The following SLC1A2 variants were observed in gnomAD, a reference collection of about 807,000 sequenced individuals.
SLC1A2 encodes solute carrier family 1 member 2, also known as excitatory amino acid transporter 2.
A neutral mutation model predicts 48.8 loss-of-function variants in SLC1A2; 15 were observed. That is an observed-to-expected ratio of 0.31 (90% confidence interval 0.21 to 0.47). The LOEUF is 0.47. SLC1A2 is among the 20% of genes least tolerant of loss of function. SLC1A2 has a pLI of 0.99. For synonymous variants in SLC1A2, 279 were observed against 272.6 expected (o/e 1.02, Z -0.23); for missense variants, 502 against 730.5 (o/e 0.69, Z 3.61).
chr11:35,408,435 A>G (rs1855365993), intron 1 of SLC1A2, among the ~76,000 whole-genome samples: 1 of 152,194 alleles, frequency 6.6e-6, no homozygotes, highest in African/African-American at 2.4e-5. Context: ...GTGGTAGTGA[A>G]TAAGTCTCAC....
At chr11:35,365,468 C>A (rs1320333237) in intron 1 of SLC1A2, among the ~76,000 whole-genome samples, 1 of 152,138 alleles carries the variant, frequency 6.6e-6, no homozygotes, top group East Asian at 1.9e-4. Flanking sequence ...GTCGTAAAAT[C>A]TGCTCCTAGG....
At chr11:35,395,003 C>T (rs184134814) in intron 1 of SLC1A2, among the ~76,000 whole-genome samples, 174 of 152,204 alleles carry the variant, frequency 1.1e-3, no homozygotes, top group African/African-American at 3.9e-3. Context: ...CAGAGACCCC[C>T]GAGGAGAGCG....
At chr11:35,292,716 G>A (rs1406391252) in intron 6 of SLC1A2, among the ~76,000 whole-genome samples, 196 bp from the exon 7 acceptor site, 23 of 151,880 alleles carry the variant, frequency 1.5e-4, no homozygotes, top group Non-Finnish European at 2.9e-4. Context: ...ATCTGGTGGC[G>A]CCTGCTCTGA....
At chr11:35,344,156 G>T (rs1565261671) in intron 1 of SLC1A2, among the ~76,000 whole-genome samples, 3 of 152,110 alleles carry the variant, frequency 2.0e-5, no homozygotes, top group Non-Finnish European at 4.4e-5. Flanking sequence ...TCTGGGCTTG[G>T]CATTGTTCTA....
Position 35,254,783 on chromosome 11 carries a change from G to T in SLC1A2, c.*6111C>A, listed in dbSNP as rs1223851611. On this transcript the variant is annotated 3_prime_UTR_variant, in exon 11 of 11. Transcript: ENST00000278379. Reference sequence around the variant, plus strand: ...AGCAGTGAGGTCTGTTCCAATAGCTGGTTTTATTCTCAGCACAAAAGGGCC... The same window carrying T: ...AGCAGTGAGGTCTGTTCCAATAGCTTGTTTTATTCTCAGCACAAAAGGGCC... The T allele has an allele frequency of 2.0e-5, 9 of 455,884 alleles. No homozygotes were observed. The Admixed American group carries it at 2.1e-4, about 11-fold the overall frequency. The allele number at this position is 455,884 out of a possible 1,614,324, so 28.2% of individuals were successfully genotyped here.
At chr11:35,268,975 C>T (rs901700917) in intron 9 of SLC1A2, among the ~76,000 whole-genome samples, 2 of 152,188 alleles carry the variant, frequency 1.3e-5, no homozygotes, top group South Asian at 4.1e-4. Flanking sequence ...TGACTTACTG[C>T]TGTGATCTGA....
chr11:35,356,773 A>C (rs1485274782), intron 1 of SLC1A2, among the ~76,000 whole-genome samples: 1 of 152,258 alleles, frequency 6.6e-6, no homozygotes, highest in East Asian at 1.9e-4. Context: ...GAATAAAAGT[A>C]ATCCTTATTC....
intron 1 of SLC1A2, among the ~76,000 whole-genome samples, chr11:35,366,859 A>G (rs1037172037): frequency 6.6e-6 from 1 of 152,192 alleles, no homozygotes; most frequent in Non-Finnish European, 1.5e-5. Context: ...TCCTAGGTGA[A>G]GAAGGTACAG....
At chr11:35,394,626 C>T (rs1028143640) in intron 1 of SLC1A2, among the ~76,000 whole-genome samples, 2 of 152,166 alleles carry the variant, frequency 1.3e-5, no homozygotes, top group African/African-American at 4.8e-5. Flanking sequence ...TCCTAGTCAG[C>T]TGCAAGGCCA....
intron 1 of SLC1A2, chr11:35,322,502 T>G: frequency 9.2e-7 from 1 of 1,084,114 alleles, no homozygotes; most frequent in South Asian, 1.4e-5. Flanking sequence ...CCAGGGAGCC[T>G]AAAAGCAACT....
chr11:35,354,181 G>A lies in SLC1A2; in HGVS notation c.18-36665C>T, dbSNP rs191333407. Among the ~76,000 whole-genome samples the A allele has an allele frequency of 3.3e-3, 510 of 152,300 alleles. 7 individuals carry two copies. Among genetic ancestry groups the A allele is most frequent in the Non-Finnish European group, 2.9e-3 (197 of 68,022 alleles). ...AAAAAGAAAGTCTTAGCTGGGTGCA[G>A]TGGCTCCTGTCTGTAATCCCAGGGC... On this transcript the variant is annotated intron_variant, in intron 1 of 10. Coordinates refer to ENST00000278379, the MANE Select transcript of SLC1A2 (RefSeq NM_004171.4).
chr11:35,376,965 G>A (rs1854257741), intron 1 of SLC1A2, among the ~76,000 whole-genome samples: 1 of 152,220 alleles, frequency 6.6e-6, no homozygotes, highest in South Asian at 2.1e-4. Context: ...TGAGCTTCCA[G>A]AAATGCAGCT....
At chr11:35,274,651 T>A (rs1441142995) in intron 9 of SLC1A2, among the ~76,000 whole-genome samples, 1 of 152,190 alleles carries the variant, frequency 6.6e-6, no homozygotes, top group Non-Finnish European at 1.5e-5. Context: ...CACCCAAGGA[T>A]ATCTAGATCA....
chr11:35,418,602 C>T (rs1022720943), intron 1 of SLC1A2: 2 of 236,934 alleles, frequency 8.4e-6, no homozygotes, highest in African/African-American at 4.5e-5. Flanking sequence ...GCTCCAGGCG[C>T]TGCTACCCCG....
chr11:35,378,385 G>A (rs1002547091), intron 1 of SLC1A2, among the ~76,000 whole-genome samples: 12 of 152,340 alleles, frequency 7.9e-5, no homozygotes, highest in African/African-American at 2.2e-4. Flanking sequence ...AGTAGACATC[G>A]TTCATCAAAA....
At chr11:35,333,708 C>T (rs1852510695) in intron 1 of SLC1A2, among the ~76,000 whole-genome samples, 1 of 152,036 alleles carries the variant, frequency 6.6e-6, no homozygotes, top group Non-Finnish European at 1.5e-5. Context: ...GTTGCCCAAG[C>T]TGGAGTGCAG....
chr11:35,335,168 G>A (rs113160254), intron 1 of SLC1A2, among the ~76,000 whole-genome samples: 2 of 152,072 alleles, frequency 1.3e-5, no homozygotes, highest in Non-Finnish European at 2.9e-5. Flanking sequence ...ATGCATTGAT[G>A]GGGGGGAAGT....
intron 9 of SLC1A2, among the ~76,000 whole-genome samples, chr11:35,270,906 G>A (rs1850263254): frequency 6.6e-6 from 1 of 152,236 alleles, no homozygotes; most frequent in South Asian, 2.1e-4. Flanking sequence ...TCAGGAGTTA[G>A]TCTTTATCTC....
At chr11:35,323,182 T>C (rs1224685105) in intron 1 of SLC1A2, 2 of 227,698 alleles carry the variant, frequency 8.8e-6, no homozygotes, top group Non-Finnish European at 1.7e-5. Context: ...CTCTTTTCTA[T>C]AGCTTCTTCC....
Sources: gnomAD v4.1 joint callset for allele counts (sites outside exome capture counted in the v4.1 genomes callset) on GRCh38, gnomAD v4.1.1 for gene constraint, MANE v1.5 for transcripts, NCBI Gene and HGNC (gene_info 2026-07-23, HGNC 2026-07-21) for gene names.